Variants in SLC67A1 observed in about 807,000 individuals in gnomAD.
SLC67A1 encodes the protein solute carrier family 67 member A1.
chr11:2,922,328 C>A, the SLC67A1 span: 1 of 1,531,982 alleles, frequency 6.5e-7, no homozygotes, highest in South Asian at 1.2e-5. Context: ...CCGGGGCCAG[C>A]TCTTCAGCAG....
the SLC67A1 span, chr11:2,919,393 G>A: frequency 1.4e-5 from 22 of 1,613,356 alleles, no homozygotes; most frequent in East Asian, 2.5e-4. Flanking sequence ...GTCCTTCTTC[G>A]GGCTCCTCCA....
At chr11:2,916,415 G>T in the SLC67A1 span, 1 of 516,738 alleles carries the variant, frequency 1.9e-6, no homozygotes, top group Non-Finnish European at 3.4e-6. Flanking sequence ...GTCAGGGATG[G>T]TGAGCGCCCC....
the SLC67A1 span, among the ~76,000 whole-genome samples, chr11:2,904,668 T>C: frequency 2.6e-3 from 400 of 152,346 alleles, 3 homozygotes; most frequent in Middle Eastern, 0.024. Context: ...CTGACCCTGA[T>C]GTCAGAACCT....
the SLC67A1 span, chr11:2,908,279 T>C: frequency 6.2e-7 from 1 of 1,613,870 alleles, no homozygotes; most frequent in Non-Finnish European, 8.5e-7. Context: ...TTCGGCTACC[T>C]GCAAACCACC....
chr11:2,903,331 C>T, the SLC67A1 span: 1 of 1,611,504 alleles, frequency 6.2e-7, no homozygotes. Context: ...GGTCTCCCTG[C>T]TGCGCCTGTC....
At chr11:2,908,198 C>T in the SLC67A1 span, 1 of 1,512,588 alleles carries the variant, frequency 6.6e-7, no homozygotes, top group Non-Finnish European at 9.2e-7. Flanking sequence ...GCAGTCTTTC[C>T]CAGCCCCTCC....
the SLC67A1 span, chr11:2,909,390 C>T: frequency 6.7e-7 from 1 of 1,502,008 alleles, no homozygotes; most frequent in Admixed American, 2.2e-5. Context: ...CAGGTGGGGC[C>T]GGGTCGGGGG....
chr11:2,909,517 CAG>C, the SLC67A1 span: 11 of 1,321,102 alleles, frequency 8.3e-6, no homozygotes, highest in Non-Finnish European at 1.1e-5. Flanking sequence ...AGGGGCGGGT[CAG>C]GGGGGGAAGG....
the SLC67A1 span, among the ~76,000 whole-genome samples, chr11:2,906,916 C>A: frequency 6.6e-6 from 1 of 151,738 alleles, no homozygotes; most frequent in Non-Finnish European, 1.5e-5. Flanking sequence ...TCAGCATCCT[C>A]ACACTAGCGG....
chr11:2,910,428 G>A, the SLC67A1 span, among the ~76,000 whole-genome samples: 1 of 152,190 alleles, frequency 6.6e-6, no homozygotes, highest in Non-Finnish European at 1.5e-5. Flanking sequence ...GATCACTAGG[G>A]CCTGTCTGAG....
At chr11:2,914,640 G>T in the SLC67A1 span, 1 of 937,662 alleles carries the variant, frequency 1.1e-6, no homozygotes, top group Non-Finnish European at 1.3e-6. Flanking sequence ...CAGGCCTTTG[G>T]TTTACCCACC....
the SLC67A1 span, among the ~76,000 whole-genome samples, chr11:2,922,949 A>G: frequency 3.9e-5 from 6 of 152,184 alleles, no homozygotes; most frequent in African/African-American, 1.4e-4. Context: ...GAGCTTCCTG[A>G]ATGAATGAGG....
the SLC67A1 span, chr11:2,922,061 C>A: frequency 6.8e-7 from 1 of 1,478,092 alleles, no homozygotes; most frequent in Non-Finnish European, 9.5e-7. Flanking sequence ...CCCTCCCTCG[C>A]CTCCCCCATA....
the SLC67A1 span, chr11:2,903,463 C>G: frequency 1.2e-6 from 2 of 1,613,340 alleles, no homozygotes; most frequent in Non-Finnish European, 8.5e-7. Context: ...ACTTACCTGC[C>G]TCTTCATGCA....
At chr11:2,903,576 G>T in the SLC67A1 span, 24 of 1,481,316 alleles carry the variant, frequency 1.6e-5, no homozygotes, top group Non-Finnish European at 2.1e-5. Context: ...CGCAGAGAGT[G>T]GGGGTGGGGG....
the SLC67A1 span, chr11:2,918,029 T>C: frequency 6.2e-7 from 1 of 1,613,540 alleles, no homozygotes; most frequent in East Asian, 2.2e-5. Context: ...GGCCATCGCC[T>C]CCCTGCTGCG....
the SLC67A1 span, chr11:2,909,451 G>C: frequency 7.0e-7 from 1 of 1,437,534 alleles, no homozygotes; most frequent in African/African-American, 1.5e-5. Context: ...GTGCGCGCGG[G>C]GTCTGGCCCT....
chr11:2,909,490 T>C, the SLC67A1 span: 39 of 697,330 alleles, frequency 5.6e-5, 1 homozygote, highest in African/African-American at 1.5e-4. Context: ...GGGGGCGACG[T>C]GGGGCGTGGC....
chr11:2,917,027 C>CCTAGACAGGGAAGGCGT, the SLC67A1 span: 82 of 429,914 alleles, frequency 1.9e-4, 1 homozygote, highest in Middle Eastern at 6.2e-4. Context: ...AGGGAAGGTG[C>CCTAGACAGGGAAGGCGT]TAGGAGGGGA....
Sources: gnomAD v4.1 joint callset for allele counts (sites outside exome capture counted in the v4.1 genomes callset) on GRCh38, gnomAD v4.1.1 for gene constraint, MANE v1.5 for transcripts, NCBI Gene and HGNC (gene_info 2026-07-23, HGNC 2026-07-21) for gene names.